Variants in ITGA6 observed in about 807,000 individuals in gnomAD.
ITGA6 encodes the protein integrin alpha-6.
A neutral mutation model predicts 133.6 loss-of-function variants in ITGA6; 63 were observed. The ratio of observed to expected loss-of-function variants is 0.47; its 90% CI spans 0.38 to 0.58. The LOEUF (loss-of-function observed/expected upper bound fraction) is 0.58, where lower values mean the gene tolerates loss of function less well. Ranked by LOEUF, ITGA6 falls within the 20% of genes least tolerant of loss-of-function variation. The probability of loss-of-function intolerance (pLI) is 0.00; values close to 1 mark genes in which losing one functional copy is unlikely to be tolerated. For synonymous variants in ITGA6, 434 were observed against 482.0 expected (o/e 0.90, Z 1.30); for missense variants, 1,068 against 1,309.4 (o/e 0.82, Z 2.85).
chr2:172,444,683 C>G (rs1490058877), intron 1 of ITGA6, among the ~76,000 whole-genome samples: 6 of 145,940 alleles, frequency 4.1e-5, no homozygotes, highest in Non-Finnish European at 7.4e-5. Context: ...ATAGCTTTGC[C>G]CCAAACCCCC....
intron 11 of ITGA6, among the ~76,000 whole-genome samples, chr2:172,483,122 C>T (rs1686522463): frequency 1.3e-5 from 2 of 152,084 alleles, no homozygotes; most frequent in South Asian, 4.1e-4. Context: ...GACAGGCTTC[C>T]TGGAGGAGGT....
At chr2:172,479,828 G>C in intron 10 of ITGA6, 89 bp downstream of exon 10, 1 of 1,278,442 alleles carries the variant, frequency 7.8e-7, no homozygotes, top group South Asian at 1.2e-5. Context: ...CCACAGGGAA[G>C]ATGACAGGAG....
At chr2:172,497,923 G>A in intron 23 of ITGA6, 52 bp from the exon 24 acceptor site, 4 of 1,608,164 alleles carry the variant, frequency 2.5e-6, no homozygotes, top group Non-Finnish European at 3.4e-6. Flanking sequence ...AACTCCTGGT[G>A]TGAACTCTTG....
chr2:172,438,703 T>C (rs2148999251), intron 1 of ITGA6, among the ~76,000 whole-genome samples: 1 of 151,990 alleles, frequency 6.6e-6, no homozygotes, highest in East Asian at 1.9e-4. Flanking sequence ...TTAGGGTCCC[T>C]TAAAGTAAAA....
At chr2:172,429,164 A>G (rs1309896799) in intron 1 of ITGA6, among the ~76,000 whole-genome samples, 1 of 145,486 alleles carries the variant, frequency 6.9e-6, no homozygotes, top group Admixed American at 7.0e-5. Context: ...GCAGCCCCTG[A>G]ATTTTAGTCA....
At chr2:172,484,191 T>C (rs761288268) in intron 11 of ITGA6, among the ~76,000 whole-genome samples, 20 of 152,370 alleles carry the variant, frequency 1.3e-4, no homozygotes, top group Non-Finnish European at 2.2e-4. Context: ...TTCCTCTGTT[T>C]AGACAACTAT....
intron 25 of ITGA6, among the ~76,000 whole-genome samples, chr2:172,502,708 C>T (rs952120894): frequency 6.6e-6 from 1 of 152,154 alleles, no homozygotes; most frequent in Non-Finnish European, 1.5e-5. Context: ...TTTATCCAAC[C>T]TTGGATCTCA....
intron 23 of ITGA6, among the ~76,000 whole-genome samples, chr2:172,495,866 C>T (rs957129664): frequency 5.3e-5 from 8 of 151,060 alleles, no homozygotes; most frequent in African/African-American, 2.0e-4. Flanking sequence ...CTTTCCCCTA[C>T]TGTCAGCTGT....
chr2:172,442,141 C>T (rs758839391), intron 1 of ITGA6, among the ~76,000 whole-genome samples: 4 of 152,154 alleles, frequency 2.6e-5, no homozygotes, highest in South Asian at 2.1e-4. Context: ...CCAACCCCTG[C>T]GTCATGTTTC....
At position 172,484,374 on chromosome 2, in the gene ITGA6, G is replaced by GAGGCCACTTGAATAAGCATT. The variant is rs569295449; in HGVS notation, c.1550-407_1550-388dup. 1.9e-3 allele frequency among the ~76,000 whole-genome samples: 293 copies of GAGGCCACTTGAATAAGCATT among 151,388 alleles called. 1 individual carries two copies. Among genetic ancestry groups the GAGGCCACTTGAATAAGCATT allele is most frequent in the Non-Finnish European group, 3.6e-3 (245 of 67,834 alleles). On this transcript the variant is annotated intron_variant, in intron 11 of 25. Transcript: ENST00000684293. ...GATCTTTCCCAGATAGCAAAGGCAC[G>GAGGCCACTTGAATAAGCATT]AGGCCACTTGAATAAGCATTGACTG...
At chr2:172,445,745 G>A (rs1348813295) in intron 1 of ITGA6, among the ~76,000 whole-genome samples, 1 of 152,084 alleles carries the variant, frequency 6.6e-6, no homozygotes, top group Admixed American at 6.5e-5. Context: ...AAAAATCTGG[G>A]TAGCTGGTCT....
rs1490758531 is a variant in ITGA6 at position 172,506,211 on chromosome 2, C to G, written c.*2143C>G. On this transcript the variant is annotated 3_prime_UTR_variant, in exon 26 of 26. Coordinates refer to ENST00000684293, the MANE Select transcript of ITGA6 (RefSeq NM_000210.4). ...TAAAAGTGTTCATTGTTTCGTAACACAGCATTGTATATGTGAAGCAAACTC... is the reference window on the plus strand; with the variant it reads ...TAAAAGTGTTCATTGTTTCGTAACAGAGCATTGTATATGTGAAGCAAACTC... The G allele has an allele frequency of 2.0e-5, 3 of 152,580 alleles. No individual in the cohort carries two copies. The East Asian group carries it at 5.8e-4, about 29-fold the overall frequency. The allele number at this position is 152,580 out of a possible 1,614,324, so 9.5% of individuals were successfully genotyped here.
intron 20 of ITGA6, 104 bp downstream of exon 20, chr2:172,489,762 A>T: frequency 9.4e-7 from 1 of 1,068,400 alleles, no homozygotes; most frequent in South Asian, 1.4e-5. Flanking sequence ...ATATTCTGGC[A>T]GGTTGACTTT....
chr2:172,474,525 G>GA (rs929439209), intron 6 of ITGA6, among the ~76,000 whole-genome samples: 5 of 152,094 alleles, frequency 3.3e-5, no homozygotes, highest in Non-Finnish European at 7.4e-5. Context: ...ATTAAAATTT[G>GA]AAAAAAATTG....
chr2:172,435,489 A>G (rs1043663124), intron 1 of ITGA6, among the ~76,000 whole-genome samples: 3 of 152,156 alleles, frequency 2.0e-5, no homozygotes, highest in African/African-American at 7.2e-5. Context: ...CAATTCTACA[A>G]GGCTCCAGAG....
intron 2 of ITGA6, among the ~76,000 whole-genome samples, chr2:172,467,169 T>G (rs1685716471): frequency 6.6e-6 from 1 of 152,218 alleles, no homozygotes; most frequent in African/African-American, 2.4e-5. Flanking sequence ...GAGGGCTCCC[T>G]TAGTCTTACA....
intron 11 of ITGA6, among the ~76,000 whole-genome samples, chr2:172,481,453 GAC>G (rs2149059943): frequency 6.6e-6 from 1 of 152,216 alleles, no homozygotes; most frequent in Admixed American, 6.5e-5. Context: ...TATCCACTAA[GAC>G]AACAGAATGA....
intron 4 of ITGA6, among the ~76,000 whole-genome samples, chr2:172,470,594 C>T (rs1041481367): frequency 4.6e-5 from 7 of 151,988 alleles, no homozygotes; most frequent in Middle Eastern, 6.8e-3. Flanking sequence ...CACTTTTACA[C>T]TGCAAAAAAA....
intron 1 of ITGA6, among the ~76,000 whole-genome samples, chr2:172,459,836 A>C (rs1321530742): frequency 6.6e-6 from 1 of 152,240 alleles, no homozygotes; most frequent in Admixed American, 6.5e-5. Context: ...CAGGCCCGGC[A>C]GAACATCAGG....
Sources: allele counts gnomAD v4.1 joint callset (sites outside exome capture counted in the v4.1 genomes callset), GRCh38; gene constraint gnomAD v4.1.1; transcripts MANE v1.5; gene names NCBI Gene and HGNC (gene_info 2026-07-23, HGNC 2026-07-21).